The following SYNE2 variants were observed in gnomAD, a reference collection of about 807,000 sequenced individuals.
SYNE2 encodes spectrin repeat containing nuclear envelope protein 2.
A neutral mutation model predicts 856.3 loss-of-function variants in SYNE2; 431 were observed. The ratio of observed to expected loss-of-function variants is 0.50; its 90% confidence interval spans 0.47 to 0.55. The LOEUF is 0.55. Ranked by LOEUF, SYNE2 falls within the 20% of genes least tolerant of loss-of-function variation. The pLI is 0.00. For missense variants in SYNE2, 8,129 were observed against 8,023.2 expected (o/e 1.01, Z -0.50); for synonymous variants, 2,923 against 2,872.3 (o/e 1.02, Z -0.56).
rs1197358607 is a variant in SYNE2, at chr14:64,144,739, C to T, written c.15483+791C>T. 3.9e-5 allele frequency among the ~76,000 whole-genome samples: 6 copies of T among 152,262 alleles called. 1 individual carries two copies. Among genetic ancestry groups the T allele is most frequent in the South Asian group, 4.2e-4 (2 of 4,812 alleles). ...AAGAACCGTAATAATAATCTTATCA[C>T]TTAACCAAGCAAGTCACCTCTTACA... On this transcript the variant is annotated intron_variant, in intron 83 of 115. Transcript: ENST00000555002.
At chr14:63,784,829 A>C (rs1887453481) in intron 1 of SYNE2, among the ~76,000 whole-genome samples, 1 of 152,036 alleles carries the variant, frequency 6.6e-6, no homozygotes, top group Admixed American at 6.6e-5. Flanking sequence ...TATATAAATA[A>C]ATAAGTATAG....
At chr14:64,084,675 G>A (rs1312258313) in intron 57 of SYNE2, 1 of 337,718 alleles carries the variant, frequency 3.0e-6, no homozygotes, top group Non-Finnish European at 5.4e-6. Flanking sequence ...TATTTGGGTT[G>A]CTTCCAGTTT....
intron 112 of SYNE2, among the ~76,000 whole-genome samples, chr14:64,222,587 A>C (rs2098699610): frequency 6.6e-6 from 1 of 152,148 alleles, no homozygotes; most frequent in African/African-American, 2.4e-5. Context: ...TTAGCTGGGC[A>C]TGGTGGCAGG....
intron 99 of SYNE2, among the ~76,000 whole-genome samples, chr14:64,195,638 T>C (rs2098537547): frequency 6.6e-6 from 1 of 152,278 alleles, no homozygotes; most frequent in Admixed American, 6.5e-5. Flanking sequence ...ACTCAGAAGT[T>C]ACGACCGTGG....
intron 13 of SYNE2, among the ~76,000 whole-genome samples, chr14:63,978,571 A>G (rs2096562383): frequency 6.6e-6 from 1 of 152,188 alleles, no homozygotes; most frequent in Non-Finnish European, 1.5e-5. Context: ...TTAGTAAACT[A>G]TTTCATAGAT....
intron 1 of SYNE2, among the ~76,000 whole-genome samples, chr14:63,771,387 G>A (rs1049993447): frequency 3.3e-5 from 5 of 152,154 alleles, no homozygotes; most frequent in Middle Eastern, 3.4e-3. Context: ...CACTCTTGAT[G>A]TGACTGAAAT....
rs1230193041 is a variant in SYNE2, at chr14:63,883,901, T to C, written c.-51-25197T>C. Among the ~76,000 whole-genome samples the C allele has an allele frequency of 2.7e-5, 4 of 146,980 alleles. No individual in the cohort carries two copies. In the East Asian group the frequency reaches 8.0e-4, roughly 29 times the overall value. On this transcript the variant is annotated intron_variant, in intron 1 of 115. Coordinates refer to ENST00000555002, the MANE Select transcript of SYNE2 (RefSeq NM_182914.3). The stretch of plus-strand genomic sequence containing the variant: ...TTTTTTGCATGGGTGTGAGGGGAGT[T>C]GGGGAAGTGTGAACTCCTTTTGAAA...
At chr14:63,943,046 G>T (rs2095948597) in intron 6 of SYNE2, among the ~76,000 whole-genome samples, 1 of 152,198 alleles carries the variant, frequency 6.6e-6, no homozygotes. Flanking sequence ...GCTTCTTATT[G>T]TTTACTATGG....
At chr14:63,851,347 C>A (rs1890437931), upstream of SYNE2, among the ~76,000 whole-genome samples, 1 of 152,096 alleles carries the variant, frequency 6.6e-6, no homozygotes, top group African/African-American at 2.4e-5. Flanking sequence ...GGCAACAGAG[C>A]AAGACTCTGT....
intron 1 of SYNE2, among the ~76,000 whole-genome samples, chr14:63,871,128 A>G (rs938963420): frequency 2.0e-5 from 3 of 152,164 alleles, no homozygotes; most frequent in African/African-American, 4.8e-5. Context: ...ACAGAAATGG[A>G]TGGTTCTTTG....
rs562725613 is a variant in SYNE2 at position 63,892,274 on chromosome 14, T to G, written c.-51-16824T>G. On this transcript the variant is annotated intron_variant, in intron 1 of 115. Transcript: ENST00000555002. ...TGATTTTCCCCGAGCATTTCTTATC[T>G]TCTCAGAATTTTGCCAGCTGTACTT... is the stretch of plus-strand genomic sequence containing the variant. 8.5e-5 allele frequency among the ~76,000 whole-genome samples: 13 copies of G among 152,230 alleles called. No individual in the cohort carries two copies. The East Asian group carries it at 2.1e-3, about 25-fold the overall frequency.
At chr14:63,765,072 C>A (rs901629668) in intron 1 of SYNE2, among the ~76,000 whole-genome samples, 1 of 152,090 alleles carries the variant, frequency 6.6e-6, no homozygotes, top group African/African-American at 2.4e-5. Flanking sequence ...GGAGCAGGAG[C>A]CCCTGAGGAA....
intron 80 of SYNE2, 120 bp downstream of exon 80, chr14:64,140,193 C>T (rs964971144): frequency 2.2e-5 from 20 of 921,062 alleles, no homozygotes; most frequent in Non-Finnish European, 3.5e-5. Context: ...AAGACTTGGG[C>T]GAATGGCAGC....
intron 1 of SYNE2, among the ~76,000 whole-genome samples, chr14:63,882,924 CAG>C (rs1320668270): frequency 6.7e-6 from 1 of 150,374 alleles, no homozygotes. Flanking sequence ...TTATCCATGT[CAG>C]AGAAGTTTTA....
intron 64 of SYNE2, among the ~76,000 whole-genome samples, chr14:64,106,102 T>C (rs1595559328): frequency 6.8e-6 from 1 of 146,492 alleles, no homozygotes; most frequent in Admixed American, 6.9e-5. Flanking sequence ...ACAATATTTC[T>C]CCTAGGTATA....
chr14:63,951,664 A>G (rs2096163134), intron 7 of SYNE2, among the ~76,000 whole-genome samples: 1 of 152,330 alleles, frequency 6.6e-6, no homozygotes, highest in Non-Finnish European at 1.5e-5. Flanking sequence ...ATAAACATAC[A>G]TAACCTTATA....
At chr14:64,000,515 T>G in intron 27 of SYNE2, 47 bp from the exon 28 acceptor site, 2 of 1,525,250 alleles carry the variant, frequency 1.3e-6, no homozygotes, top group Non-Finnish European at 1.8e-6. Context: ...AATAATTGTG[T>G]CTATTAACCC....
At chr14:64,225,112 C>G in intron 115 of SYNE2, 67 bp downstream of exon 115, 1 of 1,587,246 alleles carries the variant, frequency 6.3e-7, no homozygotes, top group Non-Finnish European at 8.6e-7. Flanking sequence ...TCAGTCTTGC[C>G]AATGCCACTA....
chr14:64,113,485 C>T lies in SYNE2; in HGVS notation c.12754C>T (p.Leu4252=). 1 of 1,614,142 alleles carries T rather than the reference C, an allele frequency of 6.2e-7. No individual in the cohort carries two copies. The highest frequency in any genetic ancestry group is 8.5e-7 in the Non-Finnish European group (1 of 1,180,020). The part of the protein sequence containing the change: ...KTQVAELELW[L]QQANVAVEPE... Reference sequence around the variant, plus strand: ...CCAGGTGGCCGAGCTGGAGCTGTGGCTGCAACAAGCCAACGTGGCAGTTGA... The same window carrying T: ...CCAGGTGGCCGAGCTGGAGCTGTGGTTGCAACAAGCCAACGTGGCAGTTGA... The change falls in exon 66 of 116, where the codon CTG becomes TTG. Residue 4252 remains leucine, a synonymous_variant. Coordinates refer to ENST00000555002, the MANE Select transcript of SYNE2 (RefSeq NM_182914.3).
Sources: allele counts gnomAD v4.1 joint callset (sites outside exome capture counted in the v4.1 genomes callset), GRCh38; gene constraint gnomAD v4.1.1; transcripts MANE v1.5; gene names NCBI Gene and HGNC (gene_info 2026-07-23, HGNC 2026-07-21).